The following DLG2 variants were observed in gnomAD, a reference collection of about 807,000 sequenced individuals.
DLG2 encodes discs large MAGUK scaffold protein 2.
A neutral mutation model predicts 132.5 loss-of-function variants in DLG2; 45 were observed. The observed-to-expected ratio is 0.34, with a 90% CI of 0.27 to 0.44. The LOEUF is 0.44. Ranked by LOEUF, DLG2 falls within the 20% of genes least tolerant of loss-of-function variation. DLG2 has a pLI of 1.00. For missense variants in DLG2, 1,045 were observed against 1,196.9 expected, an observed-to-expected ratio of 0.87 and a Z score of 1.87; for synonymous variants, 424 against 419.6, an observed-to-expected ratio of 1.01 and a Z score of -0.13.
At chr11:85,605,406 G>A (rs1460735367) in intron 2 of DLG2, among the ~76,000 whole-genome samples, 1 of 152,024 alleles carries the variant, frequency 6.6e-6, no homozygotes, top group African/African-American at 2.4e-5. Context: ...TAGAATCTAG[G>A]GTTAAATGTT....
At chr11:85,208,415 A>C (rs528704191) in intron 4 of DLG2, among the ~76,000 whole-genome samples, 1 of 152,240 alleles carries the variant, frequency 6.6e-6, no homozygotes, top group East Asian at 1.9e-4. Flanking sequence ...ATACTAAGAT[A>C]CCTTTGTTAA....
chr11:85,487,109 T>C (rs1180173992), intron 3 of DLG2, among the ~76,000 whole-genome samples: 1 of 150,800 alleles, frequency 6.6e-6, no homozygotes, highest in Non-Finnish European at 1.5e-5. Flanking sequence ...AAACTTCCTA[T>C]TCAGCCAACA....
At chr11:83,751,307 A>G (rs2093291914) in intron 18 of DLG2, among the ~76,000 whole-genome samples, 1 of 152,210 alleles carries the variant, frequency 6.6e-6, no homozygotes, top group Non-Finnish European at 1.5e-5. Flanking sequence ...GAGGAAGAGT[A>G]GCTAGAAACG....
chr11:85,267,263 A>AG (rs761247571), intron 4 of DLG2, among the ~76,000 whole-genome samples: 1 of 152,222 alleles, frequency 6.6e-6, no homozygotes, highest in Non-Finnish European at 1.5e-5. Context: ...AACCAGAAAC[A>AG]GGGCTTTTAC....
At chr11:83,503,420 T>G (rs12362169) in intron 21 of DLG2, among the ~76,000 whole-genome samples, 43,316 of 76,554 alleles carry the variant, frequency 0.57, 11,452 homozygotes, top group African/African-American at 0.69. Context: ...TATATATATA[T>G]ATAGATAGAT....
At chr11:83,892,164 T>C (rs2070123970) in intron 15 of DLG2, among the ~76,000 whole-genome samples, 1 of 152,220 alleles carries the variant, frequency 6.6e-6, no homozygotes, top group African/African-American at 2.4e-5. Flanking sequence ...CCTAATCTTC[T>C]ACTTATTACC....
chr11:84,185,472 C>T (rs540550931), intron 8 of DLG2, among the ~76,000 whole-genome samples: 194 of 152,274 alleles, frequency 1.3e-3, no homozygotes, highest in Middle Eastern at 3.4e-3. Context: ...AGATTTTGGG[C>T]TGAGACGACG....
At chr11:84,650,881 A>ACATACATATATATATACATGTATAC (rs1555136012) in intron 6 of DLG2, among the ~76,000 whole-genome samples, 1 of 125,726 alleles carries the variant, frequency 8.0e-6, no homozygotes, top group Non-Finnish European at 1.7e-5. Flanking sequence ...GTGTATATAT[A>ACATACATATATATATACATGTATAC]TATATATATA....
chr11:83,517,111 C>T (rs2095322358), intron 21 of DLG2, among the ~76,000 whole-genome samples: 1 of 152,192 alleles, frequency 6.6e-6, no homozygotes, highest in Admixed American at 6.5e-5. Context: ...TAATATCCTG[C>T]AGAGTGTTTT....
intron 3 of DLG2, among the ~76,000 whole-genome samples, chr11:85,463,044 C>A (rs1027871767): frequency 7.2e-5 from 11 of 152,198 alleles, no homozygotes; most frequent in African/African-American, 2.4e-4. Flanking sequence ...AAGACACCAA[C>A]CATACCAGAA....
chr11:83,873,359 G>A (rs764523182), intron 16 of DLG2, among the ~76,000 whole-genome samples: 2 of 152,134 alleles, frequency 1.3e-5, no homozygotes, highest in African/African-American at 2.4e-5. Context: ...CAATTCCCAC[G>A]TGTTGTGGGA....
chr11:85,539,422 G>A (rs1372405882), intron 3 of DLG2, among the ~76,000 whole-genome samples: 1 of 152,124 alleles, frequency 6.6e-6, no homozygotes, highest in Non-Finnish European at 1.5e-5. Context: ...AACCTAGCCA[G>A]GAATGCTAGA....
At chr11:84,965,798 C>T (rs1265602227) in intron 6 of DLG2, among the ~76,000 whole-genome samples, 6 of 151,864 alleles carry the variant, frequency 4.0e-5, no homozygotes, top group Admixed American at 2.0e-4. Context: ...TAGGAGAACA[C>T]GGGGAGATCG....
chr11:85,153,924 GA>G (rs1490850258), intron 5 of DLG2, among the ~76,000 whole-genome samples: 1 of 152,002 alleles, frequency 6.6e-6, no homozygotes, highest in Non-Finnish European at 1.5e-5. Flanking sequence ...CTCCAATTAT[GA>G]AAACAAGTTT....
chr11:83,820,995 T>C (rs970537929), intron 17 of DLG2, among the ~76,000 whole-genome samples: 1 of 152,226 alleles, frequency 6.6e-6, no homozygotes, highest in Non-Finnish European at 1.5e-5. Flanking sequence ...AAAGCTTTCC[T>C]TTCCCATTAG....
At chr11:85,425,720 A>T (rs2090665611) in intron 3 of DLG2, among the ~76,000 whole-genome samples, 1 of 152,200 alleles carries the variant, frequency 6.6e-6, no homozygotes, top group South Asian at 2.1e-4. Context: ...GCGACGCAGA[A>T]GATGGGTGAT....
intron 4 of DLG2, among the ~76,000 whole-genome samples, chr11:85,157,849 C>A (rs554532282): frequency 6.6e-6 from 1 of 151,934 alleles, no homozygotes; most frequent in African/African-American, 2.4e-5. Flanking sequence ...TAAACTCTGA[C>A]GAAGCTTTTT....
intron 8 of DLG2, among the ~76,000 whole-genome samples, chr11:84,200,128 C>G (rs1232753436): frequency 6.6e-6 from 1 of 151,770 alleles, no homozygotes; most frequent in African/African-American, 2.4e-5. Context: ...ACAAGACAAA[C>G]CAGTGATGTC....
chr11:84,890,072 T>C (rs948384616), intron 6 of DLG2, among the ~76,000 whole-genome samples: 6 of 152,240 alleles, frequency 3.9e-5, no homozygotes, highest in Non-Finnish European at 8.8e-5. Context: ...CCAAGTTTTA[T>C]TGACAGACTA....
Sources: allele counts gnomAD v4.1 joint callset (sites outside exome capture counted in the v4.1 genomes callset), GRCh38; gene constraint gnomAD v4.1.1; transcripts MANE v1.5; gene names NCBI Gene and HGNC (gene_info 2026-07-23, HGNC 2026-07-21).